Variants in ERICH5 observed in about 807,000 individuals in gnomAD.
The protein encoded by ERICH5 is glutamate-rich protein 5.
A neutral mutation model predicts 28.0 loss-of-function variants in ERICH5; 24 were observed. The observed-to-expected ratio is 0.86, with a 90% CI of 0.62 to 1.21. The LOEUF (loss-of-function observed/expected upper bound fraction) is 1.21. ERICH5 is among the 50% of genes most tolerant of loss of function. ERICH5 has a pLI of 0.00. For missense variants in ERICH5, 421 were observed against 441.2 expected (o/e 0.95, Z 0.41); for synonymous variants, 163 against 157.6 (o/e 1.03, Z -0.25).
In ERICH5 at chr8:98,093,383, G is replaced by A. The variant is rs1179980577; in HGVS notation, c.*50G>A. The A allele has an allele frequency of 1.5e-5, 19 of 1,280,486 alleles. No individual in the cohort carries two copies. Among genetic ancestry groups the A allele is most frequent in the Non-Finnish European group, 2.0e-5 (18 of 890,630 alleles). 79.3% of individuals were successfully genotyped at this position (1,280,486 alleles called of 1,614,324 possible). ...TGTTATCATAGAGGAGACAAAAATG[G>A]TAGTGAAGCTTGTGGTTATGTATCT... On this transcript the variant is annotated 3_prime_UTR_variant, in exon 3 of 3. Transcript: ENST00000318528.
At chr8:98,085,239 C>A (rs1353421529) in intron 1 of ERICH5, among the ~76,000 whole-genome samples, 1 of 141,286 alleles carries the variant, frequency 7.1e-6, no homozygotes, top group Non-Finnish European at 1.5e-5. Flanking sequence ...CGGCTCACTG[C>A]AAGCTCCGCC....
At chr8:98,067,588 T>C (rs1814841302) in intron 1 of ERICH5, among the ~76,000 whole-genome samples, 1 of 152,058 alleles carries the variant, frequency 6.6e-6, no homozygotes. Flanking sequence ...ATGAAATCAA[T>C]ACAATACAAT....
intron 2 of ERICH5, among the ~76,000 whole-genome samples, chr8:98,092,900 C>T (rs1289833183): frequency 5.9e-5 from 9 of 151,908 alleles, no homozygotes; most frequent in African/African-American, 1.9e-4. Context: ...CTCAGCCCCC[C>T]GAGTAGCTGG....
At chr8:98,068,194 G>A (rs994932747) in intron 1 of ERICH5, among the ~76,000 whole-genome samples, 7 of 152,044 alleles carry the variant, frequency 4.6e-5, no homozygotes, top group Non-Finnish European at 8.8e-5. Context: ...GCTACTAGTA[G>A]GTAGACATTA....
intron 1 of ERICH5, among the ~76,000 whole-genome samples, chr8:98,070,382 C>T (rs1045051379): frequency 2.0e-5 from 3 of 150,878 alleles, no homozygotes; most frequent in Admixed American, 6.6e-5. Flanking sequence ...AGAGGCCGGG[C>T]GCAGTGGCTT....
At chr8:98,080,150 T>G (rs1815149570) in intron 1 of ERICH5, among the ~76,000 whole-genome samples, 1 of 152,212 alleles carries the variant, frequency 6.6e-6, no homozygotes, top group Non-Finnish European at 1.5e-5. Flanking sequence ...GTGCGCTGTG[T>G]CCCTGTTTAG....
chr8:98,092,635 C>G (rs1815427754), intron 2 of ERICH5, among the ~76,000 whole-genome samples: 1 of 152,120 alleles, frequency 6.6e-6, no homozygotes, highest in African/African-American at 2.4e-5. Context: ...TGTTCTACCA[C>G]CATTTCTTTG....
chr8:98,091,377 C>T (rs192385962), intron 2 of ERICH5, among the ~76,000 whole-genome samples: 2 of 152,306 alleles, frequency 1.3e-5, no homozygotes, highest in Admixed American at 1.3e-4. Flanking sequence ...CGTGCATCAC[C>T]ATAGTCTGTT....
chr8:98,084,445 T>A (rs573170995), intron 1 of ERICH5, among the ~76,000 whole-genome samples: 2 of 152,192 alleles, frequency 1.3e-5, no homozygotes, highest in East Asian at 3.9e-4. Flanking sequence ...TGCAATGGCG[T>A]GATCTTGGCT....
intron 1 of ERICH5, among the ~76,000 whole-genome samples, chr8:98,065,040 G>A (rs1814795961): frequency 6.6e-6 from 1 of 152,244 alleles, no homozygotes; most frequent in South Asian, 2.1e-4. Flanking sequence ...GAGGCCCTAA[G>A]GCGGTTAGCC....
intron 2 of ERICH5, among the ~76,000 whole-genome samples, chr8:98,091,362 A>T (rs1006948773): frequency 2.0e-5 from 3 of 152,214 alleles, no homozygotes; most frequent in Non-Finnish European, 4.4e-5. Flanking sequence ...GGAAGGCAGG[A>T]TGTGCGTGCA....
At chr8:98,067,960 A>C (rs925756280) in intron 1 of ERICH5, among the ~76,000 whole-genome samples, 5 of 152,158 alleles carry the variant, frequency 3.3e-5, no homozygotes, top group Non-Finnish European at 5.9e-5. Flanking sequence ...TCTAAATATT[A>C]GTCTAATCCC....
chr8:98,082,883 A>C (rs570088050), intron 1 of ERICH5, among the ~76,000 whole-genome samples: 1 of 152,290 alleles, frequency 6.6e-6, no homozygotes, highest in South Asian at 2.1e-4. Flanking sequence ...CAACGACAAT[A>C]AAAGAATGAA....
intron 1 of ERICH5, among the ~76,000 whole-genome samples, chr8:98,070,143 G>A (rs930298347): frequency 6.6e-6 from 1 of 152,054 alleles, no homozygotes; most frequent in South Asian, 2.1e-4. Flanking sequence ...TGACTCCAAA[G>A]CCCCTGTTCT....
At chr8:98,091,514 A>AAATGAGTGAGGTG (rs1263671113) in intron 2 of ERICH5, among the ~76,000 whole-genome samples, 1 of 152,234 alleles carries the variant, frequency 6.6e-6, no homozygotes, top group Non-Finnish European at 1.5e-5. Context: ...AGGATACTGA[A>AAATGAGTGAGGTG]AATGAGTGAG....
intron 1 of ERICH5, among the ~76,000 whole-genome samples, chr8:98,070,660 CAAAAAAAA>C (rs769042472): frequency 2.6e-5 from 1 of 38,756 alleles, no homozygotes; most frequent in Non-Finnish European, 5.1e-5. Context: ...AACTGCATCT[CAAAAAAAA>C]AAAAAAAAAA....
At position 98,089,373 on chromosome 8, in the gene ERICH5, G is replaced by A; in HGVS notation, c.356G>A (p.Gly119Asp). The A allele has an allele frequency of 1.2e-6, 2 of 1,614,256 alleles. No individual in the cohort carries two copies. The highest frequency in any genetic ancestry group is 1.1e-5 in the South Asian group (1 of 91,088). ...GLEESGPPQP[G>D]GKEDAPAAEG... is the part of the protein sequence containing the mutation. ...GAGGAATCTGGGCCGCCTCAACCAG[G>A]TGGCAAAGAGGATGCCCCAGCAGCA... The change falls in exon 2 of 3, where the codon GGT becomes GAT. Residue 119 changes from glycine (G) to aspartate (D), a missense_variant. Coordinates refer to ENST00000318528, the MANE Select transcript of ERICH5 (RefSeq NM_173549.3).
At chr8:98,086,458 T>C (rs62523602) in intron 1 of ERICH5, among the ~76,000 whole-genome samples, 5,343 of 152,210 alleles carry the variant, frequency 0.035, 132 homozygotes, top group Middle Eastern at 0.068. Context: ...GTTGAATAAA[T>C]GATAATACGT....
chr8:98,073,514 A>G (rs181678157), intron 1 of ERICH5, among the ~76,000 whole-genome samples: 81 of 6,326 alleles, frequency 0.013, 8 homozygotes, highest in Non-Finnish European at 0.021. Flanking sequence ...ATATATATAT[A>G]TGTATATATA....
Sources: allele counts gnomAD v4.1 joint callset (sites outside exome capture counted in the v4.1 genomes callset), GRCh38; gene constraint gnomAD v4.1.1; transcripts MANE v1.5; gene names NCBI Gene and HGNC (gene_info 2026-07-23, HGNC 2026-07-21).